Variants in TMEM217B observed in about 807,000 individuals in gnomAD.
TMEM217B encodes transmembrane protein 217B, also known as putative transmembrane protein 217B.
At chr6:37,238,883 C>T in the TMEM217B span, among the ~76,000 whole-genome samples, 6 of 152,222 alleles carry the variant, frequency 3.9e-5, no homozygotes, top group African/African-American at 1.4e-4. Context: ...GTAATCCCAG[C>T]AGTTTAGGAG....
chr6:37,251,830 C>T, the TMEM217B span, among the ~76,000 whole-genome samples: 1 of 151,974 alleles, frequency 6.6e-6, no homozygotes. Context: ...GGCAAATTAC[C>T]AATGATGGGC....
the TMEM217B span, among the ~76,000 whole-genome samples, chr6:37,250,638 G>A: frequency 6.6e-6 from 1 of 152,210 alleles, no homozygotes; most frequent in Admixed American, 6.5e-5. Context: ...TGCTGATCAC[G>A]ACCTCTTATT....
chr6:37,254,682 A>G, the TMEM217B span, among the ~76,000 whole-genome samples: 3 of 152,338 alleles, frequency 2.0e-5, no homozygotes, highest in East Asian at 3.9e-4. Context: ...TCCTTCTTTC[A>G]CTCAGTAAAT....
At chr6:37,255,964 C>T in the TMEM217B span, among the ~76,000 whole-genome samples, 1 of 152,148 alleles carries the variant, frequency 6.6e-6, no homozygotes, top group Non-Finnish European at 1.5e-5. Flanking sequence ...CTGGGTTGAG[C>T]ACTGTTAACT....
the TMEM217B span, among the ~76,000 whole-genome samples, chr6:37,222,296 T>G: frequency 6.6e-6 from 1 of 152,154 alleles, no homozygotes; most frequent in Non-Finnish European, 1.5e-5. Context: ...CGGGAATCGA[T>G]ACGCCTCCCG....
the TMEM217B span, among the ~76,000 whole-genome samples, chr6:37,243,418 T>A: frequency 1.3e-5 from 2 of 152,208 alleles, no homozygotes; most frequent in Admixed American, 6.5e-5. Context: ...CTCCCTGTCC[T>A]TCTTCCCAGT....
chr6:37,226,366 C>G, the TMEM217B span, among the ~76,000 whole-genome samples: 1 of 135,226 alleles, frequency 7.4e-6, no homozygotes, highest in East Asian at 2.4e-4. Flanking sequence ...TATCTTGGCT[C>G]ACTGCAAGCT....
At chr6:37,255,650 C>T in the TMEM217B span, among the ~76,000 whole-genome samples, 1 of 150,888 alleles carries the variant, frequency 6.6e-6, no homozygotes, top group Non-Finnish European at 1.5e-5. Flanking sequence ...TGTCACTGGA[C>T]TCCAGCTTGG....
the TMEM217B span, among the ~76,000 whole-genome samples, chr6:37,226,234 T>A: frequency 6.6e-6 from 1 of 151,482 alleles, no homozygotes; most frequent in Non-Finnish European, 1.5e-5. Flanking sequence ...AGATCACCAT[T>A]CTCTTTTTTT....
At chr6:37,245,448 C>G in the TMEM217B span, among the ~76,000 whole-genome samples, 3 of 152,246 alleles carry the variant, frequency 2.0e-5, no homozygotes, top group Non-Finnish European at 4.4e-5. Context: ...TCACAAACTC[C>G]TCCCGATTCG....
chr6:37,215,595 AAAAAAAGAAAAG>A, the TMEM217B span, among the ~76,000 whole-genome samples: 1 of 147,340 alleles, frequency 6.8e-6, no homozygotes, highest in Admixed American at 6.8e-5. Flanking sequence ...AAAAAAAAAA[AAAAAAAGAAAAG>A]AAAAAAGAAA....
the TMEM217B span, among the ~76,000 whole-genome samples, chr6:37,243,519 A>G: frequency 6.6e-6 from 1 of 152,350 alleles, no homozygotes; most frequent in Non-Finnish European, 1.5e-5. Context: ...AGTTTAATTG[A>G]TATGAGGCTG....
the TMEM217B span, among the ~76,000 whole-genome samples, chr6:37,221,335 CA>C: frequency 6.6e-6 from 1 of 152,194 alleles, no homozygotes; most frequent in South Asian, 2.1e-4. Flanking sequence ...TACAGGAGTG[CA>C]CCACCACACC....
At chr6:37,245,888 C>T in the TMEM217B span, among the ~76,000 whole-genome samples, 2 of 152,026 alleles carry the variant, frequency 1.3e-5, no homozygotes, top group Non-Finnish European at 2.9e-5. Flanking sequence ...CAACCTCTGC[C>T]TCCCGGGTTC....
the TMEM217B span, chr6:37,218,470 C>T: frequency 1.2e-6 from 2 of 1,613,606 alleles, no homozygotes; most frequent in Non-Finnish European, 1.7e-6. Context: ...AGCCACTGAA[C>T]CCACTCGAAA....
chr6:37,222,834 C>G, the TMEM217B span, among the ~76,000 whole-genome samples: 1 of 152,188 alleles, frequency 6.6e-6, no homozygotes, highest in Non-Finnish European at 1.5e-5. Flanking sequence ...GGGCTTCCAC[C>G]GGCTCCATGG....
chr6:37,218,515 C>T, the TMEM217B span: 23 of 1,613,922 alleles, frequency 1.4e-5, no homozygotes, highest in Admixed American at 3.3e-5. Flanking sequence ...GGAGAATCTC[C>T]GCTGTAGAAA....
the TMEM217B span, among the ~76,000 whole-genome samples, chr6:37,233,229 C>T: frequency 6.6e-6 from 1 of 152,034 alleles, no homozygotes; most frequent in Admixed American, 6.6e-5. Context: ...CCCCATGTAC[C>T]TTCCTCTTGC....
the TMEM217B span, chr6:37,215,277 T>C: frequency 1.6e-4 from 251 of 1,613,398 alleles, 4 homozygotes; most frequent in Admixed American, 2.1e-3. Flanking sequence ...TATGCTAGTG[T>C]GGAAGCTAGA....
Sources: allele counts gnomAD v4.1 joint callset (sites outside exome capture counted in the v4.1 genomes callset), GRCh38; gene constraint gnomAD v4.1.1; transcripts MANE v1.5; gene names NCBI Gene and HGNC (gene_info 2026-07-23, HGNC 2026-07-21).